Variants in KCNMA1 observed in about 807,000 individuals in gnomAD.
The protein encoded by KCNMA1 is Calcium-activated potassium channel subunit alpha-1.
In KCNMA1, 29 loss-of-function variants were observed where a neutral mutation model predicts 140.0. The observed-to-expected ratio is 0.21, with a 90% CI of 0.15 to 0.28. KCNMA1 has a LOEUF of 0.28. KCNMA1 is among the 10% of genes least tolerant of loss of function. KCNMA1 has a pLI of 1.00. For synonymous variants in KCNMA1, 612 were observed against 611.9 expected, an observed-to-expected ratio of 1.00 and a Z score of 0.00; for missense variants, 880 against 1,602.2, an observed-to-expected ratio of 0.55 and a Z score of 7.70.
chr10:77,349,647 G>A (rs1488734923), intron 2 of KCNMA1, among the ~76,000 whole-genome samples: 2 of 152,098 alleles, frequency 1.3e-5, no homozygotes. Flanking sequence ...TGCATGTAGA[G>A]TCAATCAGAA....
chr10:76,935,351 C>T (rs1187476925), intron 23 of KCNMA1, among the ~76,000 whole-genome samples: 1 of 152,232 alleles, frequency 6.6e-6, no homozygotes. Context: ...ACATGTATAG[C>T]TTCAGGCCCA....
chr10:77,495,579 G>T (rs1006034962), intron 1 of KCNMA1, among the ~76,000 whole-genome samples: 2 of 152,204 alleles, frequency 1.3e-5, no homozygotes, highest in African/African-American at 4.8e-5. Flanking sequence ...ATGAAAGGGA[G>T]AAAAAACGAA....
chr10:77,439,129 AGAG>A (rs776628099), intron 1 of KCNMA1, among the ~76,000 whole-genome samples: 3 of 145,062 alleles, frequency 2.1e-5, no homozygotes, highest in African/African-American at 7.7e-5. Flanking sequence ...AGAGAAGAGA[AGAG>A]AAGAGAAGAG....
chr10:77,173,977 T>C (rs2098730917), intron 5 of KCNMA1, among the ~76,000 whole-genome samples: 1 of 152,152 alleles, frequency 6.6e-6, no homozygotes, highest in Admixed American at 6.5e-5. Flanking sequence ...GAACTGCCCA[T>C]CTGAGCATGA....
At chr10:77,234,296 C>T (rs951844471) in intron 3 of KCNMA1, among the ~76,000 whole-genome samples, 3 of 152,160 alleles carry the variant, frequency 2.0e-5, no homozygotes, top group African/African-American at 7.2e-5. Context: ...AAGTCCTCAG[C>T]ACAAAACATT....
At chr10:77,462,383 G>A (rs190493399) in intron 1 of KCNMA1, among the ~76,000 whole-genome samples, 11 of 151,586 alleles carry the variant, frequency 7.3e-5, no homozygotes, top group East Asian at 5.8e-4. Context: ...ACACTTAGAC[G>A]TAAAAACACA....
At chr10:77,106,179 G>A (rs182786757) in intron 9 of KCNMA1, among the ~76,000 whole-genome samples, 8 of 151,938 alleles carry the variant, frequency 5.3e-5, no homozygotes, top group Non-Finnish European at 8.8e-5. Flanking sequence ...ATGACAGGAC[G>A]GACTCTGTGT....
At chr10:77,073,402 T>C (rs2096277513) in intron 13 of KCNMA1, 150 bp from the exon 14 acceptor site, 4 of 793,316 alleles carry the variant, frequency 5.0e-6, no homozygotes, top group African/African-American at 1.7e-5. Context: ...TTTGCTGTTT[T>C]ATGCAACTCT....
chr10:77,589,273 C>A (rs1355063321), intron 1 of KCNMA1, among the ~76,000 whole-genome samples: 1 of 152,156 alleles, frequency 6.6e-6, no homozygotes, highest in African/African-American at 2.4e-5. Context: ...GGGGAGGCAG[C>A]ACTGGAGTAG....
At chr10:77,344,977 CT>C (rs2154379839) in intron 2 of KCNMA1, among the ~76,000 whole-genome samples, 1 of 152,188 alleles carries the variant, frequency 6.6e-6, no homozygotes, top group East Asian at 1.9e-4. Context: ...TTCATTTATT[CT>C]TTTTGATTAT....
At position 76,909,605 on chromosome 10, in the gene KCNMA1, T is replaced by C. The variant is rs193272014; in HGVS notation, c.3147+361A>G. On this transcript the variant is annotated intron_variant, in intron 25 of 27. Coordinates refer to ENST00000286628, the MANE Select transcript of KCNMA1 (RefSeq NM_001161352.2). ...TCCCCCCCAACACCAGGTTTTGCAT[T>C]TGCTTTCTTTCTTCTTCAGAGAATG... is the stretch of plus-strand genomic sequence containing the variant. 7.0e-4 allele frequency among the ~76,000 whole-genome samples: 107 copies of C among 152,230 alleles called. 1 individual carries two copies. Among genetic ancestry groups the C allele is most frequent in the African/African-American group, 2.5e-3 (105 of 41,552 alleles).
intron 2 of KCNMA1, among the ~76,000 whole-genome samples, chr10:77,334,063 C>T (rs551820697): frequency 9.2e-5 from 14 of 152,334 alleles, no homozygotes; most frequent in Admixed American, 1.3e-4. Context: ...CCTGCCCCAA[C>T]CACACCTCCT....
At chr10:77,056,114 C>A (rs1205967930) in intron 14 of KCNMA1, among the ~76,000 whole-genome samples, 1 of 152,186 alleles carries the variant, frequency 6.6e-6, no homozygotes, top group Admixed American at 6.5e-5. Flanking sequence ...GGCGCAGTGC[C>A]TCGTGTCTGT....
At chr10:77,325,364 A>G (rs1458048823) in intron 2 of KCNMA1, among the ~76,000 whole-genome samples, 2 of 152,098 alleles carry the variant, frequency 1.3e-5, no homozygotes, top group Non-Finnish European at 2.9e-5. Context: ...GTAAATGCAA[A>G]CACAACCAGT....
chr10:77,621,453 T>C (rs962177562), intron 1 of KCNMA1, among the ~76,000 whole-genome samples: 3 of 152,100 alleles, frequency 2.0e-5, no homozygotes, highest in Non-Finnish European at 4.4e-5. Flanking sequence ...GAGACTTCGC[T>C]GGTGGGTGCA....
chr10:76,997,540 C>A (rs767420988), intron 19 of KCNMA1, among the ~76,000 whole-genome samples: 1 of 152,162 alleles, frequency 6.6e-6, no homozygotes, highest in African/African-American at 2.4e-5. Flanking sequence ...TATGGCCCTA[C>A]GTTGCCACTG....
At chr10:76,900,398 G>C (rs1269187220) in intron 25 of KCNMA1, among the ~76,000 whole-genome samples, 1 of 152,056 alleles carries the variant, frequency 6.6e-6, no homozygotes, top group Non-Finnish European at 1.5e-5. Flanking sequence ...TTATGTGAAA[G>C]TAACTGTAAG....
At chr10:77,408,457 T>C (rs770419517) in intron 1 of KCNMA1, among the ~76,000 whole-genome samples, 7 of 151,610 alleles carry the variant, frequency 4.6e-5, no homozygotes, top group Non-Finnish European at 8.8e-5. Flanking sequence ...CATGTGTGTG[T>C]GCGTTTGTGT....
At chr10:76,991,736 G>C (rs892786288) in intron 19 of KCNMA1, among the ~76,000 whole-genome samples, 2 of 152,178 alleles carry the variant, frequency 1.3e-5, no homozygotes, top group Admixed American at 1.3e-4. Context: ...ATGTCAGCAT[G>C]CTACATTTTT....
Sources: gnomAD v4.1 joint callset for allele counts (sites outside exome capture counted in the v4.1 genomes callset) on GRCh38, gnomAD v4.1.1 for gene constraint, MANE v1.5 for transcripts, NCBI Gene and HGNC (gene_info 2026-07-23, HGNC 2026-07-21) for gene names.